The following MAPKBP1 variants were observed in gnomAD, a reference collection of about 807,000 sequenced individuals.
MAPKBP1 encodes mitogen-activated protein kinase-binding protein 1.
MAPKBP1 carries 71 observed loss-of-function variants against 170.5 expected under a neutral mutation model. The ratio of observed to expected loss-of-function variants is 0.42; its 90% CI spans 0.34 to 0.51. The LOEUF (loss-of-function observed/expected upper bound fraction) is 0.51, where lower values mean the gene tolerates loss of function less well. Among genes scored for constraint, MAPKBP1 ranks in the 20% least tolerant of loss-of-function variants. The pLI is 0.06. For missense variants in MAPKBP1, 1,598 were observed against 1,933.0 expected (o/e 0.83, Z 3.25); for synonymous variants, 719 against 757.9 (o/e 0.95, Z 0.84).
intron 3 of MAPKBP1, among the ~76,000 whole-genome samples, chr15:41,809,799 A>G (rs1281384806): frequency 6.6e-6 from 1 of 152,254 alleles, no homozygotes; most frequent in Non-Finnish European, 1.5e-5. Flanking sequence ...GATTCCATCC[A>G]GCAGCCTTGC....
intron 8 of MAPKBP1, 60 bp downstream of exon 8, chr15:41,813,161 G>C (rs1380299908): frequency 1.3e-6 from 2 of 1,559,334 alleles, no homozygotes; most frequent in Admixed American, 3.7e-5. Flanking sequence ...GGGAGAACTA[G>C]TGCCCAGGGC....
intron 29 of MAPKBP1, 87 bp downstream of exon 29, chr15:41,824,148 G>A: frequency 6.0e-6 from 9 of 1,490,596 alleles, no homozygotes; most frequent in Non-Finnish European, 8.1e-6. Context: ...TCCCATTTCT[G>A]TGGGTACAGC....
chr15:41,802,257 G>A (rs2064608752), intron 3 of MAPKBP1, among the ~76,000 whole-genome samples: 5 of 152,200 alleles, frequency 3.3e-5, no homozygotes, highest in Admixed American at 6.5e-5. Flanking sequence ...TGAGTGAGTG[G>A]TGAGTGAGTG....
chr15:41,779,721 A>G (rs1002797449), intron 2 of MAPKBP1, among the ~76,000 whole-genome samples: 2 of 152,172 alleles, frequency 1.3e-5, no homozygotes, highest in Non-Finnish European at 2.9e-5. Flanking sequence ...TGTTCAATAC[A>G]CACGCTCTGA....
At chr15:41,790,399 G>A (rs902511834) in intron 2 of MAPKBP1, among the ~76,000 whole-genome samples, 10 of 152,178 alleles carry the variant, frequency 6.6e-5, no homozygotes, top group African/African-American at 2.4e-4. Context: ...TGGGGATAGA[G>A]TAGGGACTGT....
At chr15:41,811,796 GATCTTT>G (rs1434558571) in intron 5 of MAPKBP1, 155 bp from the exon 6 acceptor site, 6 of 760,772 alleles carry the variant, frequency 7.9e-6, no homozygotes, top group Admixed American at 2.0e-5. Flanking sequence ...GTTGCCCTCA[GATCTTT>G]ATCATATTTC....
chr15:41,824,471 C>A lies in MAPKBP1; in HGVS notation c.4214-13C>A, dbSNP rs1313437102. On this transcript the variant is annotated splice_polypyrimidine_tract_variant and intron_variant, in intron 29 of 30. Transcript: ENST00000457542. ...CATGCTGGGCCTCACTGAGCTGTAT[C>A]CGTCTCTTTCAGAGCCAGCGGTGAG... 6.3e-7 allele frequency: 1 copy of A among 1,579,906 alleles called. No homozygotes were observed. Among genetic ancestry groups the A allele is most frequent in the Non-Finnish European group, 8.6e-7 (1 of 1,162,522 alleles).
At chr15:41,819,556 G>GT in intron 21 of MAPKBP1, 39 bp from the exon 22 acceptor site, 4 of 1,347,658 alleles carry the variant, frequency 3.0e-6, no homozygotes, top group African/African-American at 1.6e-5. Context: ...GCGGGGGGGG[G>GT]GCAGGAGACA....
chr15:41,777,340 CAAAAA>C (rs55744466), intron 2 of MAPKBP1, among the ~76,000 whole-genome samples: 2 of 85,242 alleles, frequency 2.3e-5, no homozygotes. Flanking sequence ...GACTCCGTCT[CAAAAA>C]AAAAAAAAAA....
At chr15:41,815,901 A>T in intron 12 of MAPKBP1, 102 bp downstream of exon 12, 1 of 1,195,682 alleles carries the variant, frequency 8.4e-7, no homozygotes, top group African/African-American at 1.5e-5. Flanking sequence ...GGGCAACAAG[A>T]TACTTATTTA....
intron 23 of MAPKBP1, 128 bp from the exon 24 acceptor site, chr15:41,821,456 A>G (rs2064993590): frequency 2.4e-6 from 2 of 844,156 alleles, no homozygotes; most frequent in African/African-American, 1.7e-5. Flanking sequence ...TGCACACCGC[A>G]TCCTTACTCA....
Position 41,823,231 on chromosome 15 carries a change from C to A in MAPKBP1, c.3598+9C>A. 6.2e-7 allele frequency: 1 copy of A among 1,610,402 alleles called. No homozygotes were observed. The highest frequency in any genetic ancestry group is 1.1e-5 in the South Asian group (1 of 90,816). ...CAGTCTGGTGCCACAGGGTGAGAAG[C>A]CTGATGGGTTCAGTGCCAGGGTGCA... On this transcript the variant is annotated intron_variant, in intron 28 of 30. Coordinates refer to ENST00000457542, the MANE Select transcript of MAPKBP1 (RefSeq NM_014994.3).
chr15:41,825,096 G>C, intron 30 of MAPKBP1, 113 bp from the exon 31 acceptor site: 1 of 737,106 alleles, frequency 1.4e-6, no homozygotes, highest in Non-Finnish European at 2.2e-6. Context: ...GATCTTGGCG[G>C]GTAGAGTTCC....
At chr15:41,813,198 C>A in intron 8 of MAPKBP1, 97 bp downstream of exon 8, 1 of 1,529,166 alleles carries the variant, frequency 6.5e-7, no homozygotes, top group Non-Finnish European at 8.9e-7. Flanking sequence ...GTCCCTTGTG[C>A]ATACGGGAGA....
chr15:41,814,478 C>T, intron 9 of MAPKBP1, 72 bp from the exon 10 acceptor site: 1 of 1,471,166 alleles, frequency 6.8e-7, no homozygotes, highest in Non-Finnish European at 9.3e-7. Context: ...ACACACTGCT[C>T]CTTCCATTGT....
At chr15:41,807,529 G>A (rs886564234) in intron 3 of MAPKBP1, among the ~76,000 whole-genome samples, 2 of 152,186 alleles carry the variant, frequency 1.3e-5, no homozygotes, top group Non-Finnish European at 2.9e-5. Flanking sequence ...TGTGGTTCCT[G>A]TGTAACTAAT....
chr15:41,800,385 CTAGGCTGGAGTGCAG>C (rs1318563918), intron 3 of MAPKBP1, among the ~76,000 whole-genome samples: 1 of 152,132 alleles, frequency 6.6e-6, no homozygotes. Context: ...GCTCTGTTGC[CTAGGCTGGAGTGCAG>C]TGGCTCGATG....
chr15:41,815,162 A>ACCATTCCCTTTTTCGTC (rs2064868453), intron 10 of MAPKBP1, 97 bp from the exon 11 acceptor site: 6 of 1,463,890 alleles, frequency 4.1e-6, no homozygotes, highest in Non-Finnish European at 4.7e-6. Context: ...AGTCCTGGCC[A>ACCATTCCCTTTTTCGTC]CCATTCCCTT....
chr15:41,783,223 G>A (rs2064221136), intron 2 of MAPKBP1, among the ~76,000 whole-genome samples: 1 of 152,188 alleles, frequency 6.6e-6, no homozygotes, highest in Admixed American at 6.5e-5. Flanking sequence ...ATGCTCTTGA[G>A]GTGCTCTTTC....
Sources: allele counts gnomAD v4.1 joint callset (sites outside exome capture counted in the v4.1 genomes callset), GRCh38; gene constraint gnomAD v4.1.1; transcripts MANE v1.5; gene names NCBI Gene and HGNC (gene_info 2026-07-23, HGNC 2026-07-21).